Variants in PPP2R1A observed in about 807,000 individuals in gnomAD.
PPP2R1A encodes serine/threonine-protein phosphatase 2A 65 kDa regulatory subunit A alpha isoform.
A neutral mutation model predicts 67.1 loss-of-function variants in PPP2R1A; 15 were observed. The observed-to-expected ratio is 0.22, with a 90% CI of 0.15 to 0.34. PPP2R1A has a LOEUF of 0.34. Among genes scored for constraint, PPP2R1A ranks in the 10% least tolerant of loss-of-function variants. The pLI is 1.00. For missense variants in PPP2R1A, 369 were observed against 775.0 expected, an observed-to-expected ratio of 0.48 and a Z score of 6.22; for synonymous variants, 337 against 325.0, an observed-to-expected ratio of 1.04 and a Z score of -0.40.
intron 1 of PPP2R1A, among the ~76,000 whole-genome samples, chr19:52,195,824 A>G (rs912875018): frequency 9.2e-5 from 14 of 152,110 alleles, no homozygotes; most frequent in African/African-American, 3.1e-4. Flanking sequence ...GTGTTCGGCT[A>G]TGTTGAAGTT....
chr19:52,205,901 T>G, intron 2 of PPP2R1A, 62 bp from the exon 3 acceptor site: 13 of 1,391,990 alleles, frequency 9.3e-6, no homozygotes, highest in South Asian at 1.2e-5. Flanking sequence ...CCATGTGTTC[T>G]GAGCTTGGGC....
At chr19:52,222,014 CCA>C (rs767938236) in intron 12 of PPP2R1A, 83 bp from the exon 13 acceptor site, 8 of 1,395,400 alleles carry the variant, frequency 5.7e-6, no homozygotes, top group Non-Finnish European at 7.8e-6. Flanking sequence ...CTGATGATCA[CCA>C]GAGTGGCCTG....
In PPP2R1A at chr19:52,213,882, A is replaced by G. The variant is rs1164302396; in HGVS notation, c.807+772A>G. Among the ~76,000 whole-genome samples, 2 of 152,100 alleles carry G rather than the reference A, an allele frequency of 1.3e-5. No homozygotes were observed. Among genetic ancestry groups the G allele is most frequent in the Non-Finnish European group, 2.9e-5 (2 of 68,024 alleles). ...TGACTCTCAGGACAGTGCTCCTTCC[A>G]CAGGGATCCAGATTGCCTCATCCCA... On this transcript the variant is annotated intron_variant, in intron 6 of 14. Coordinates refer to ENST00000322088, the MANE Select transcript of PPP2R1A (RefSeq NM_014225.6). This position sits in a 1 kb window ranked among gnomAD's most constrained non-coding sequence, Gnocchi z 4.2.
At chr19:52,225,382 A>G (rs537983925) in intron 13 of PPP2R1A, among the ~76,000 whole-genome samples, 4 of 152,314 alleles carry the variant, frequency 2.6e-5, no homozygotes, top group Admixed American at 6.5e-5. Flanking sequence ...TAGTGTTTCA[A>G]TAATGTGTGC....
intron 1 of PPP2R1A, among the ~76,000 whole-genome samples, chr19:52,194,629 C>T (rs781315860): frequency 2.6e-5 from 4 of 151,952 alleles, no homozygotes; most frequent in East Asian, 3.9e-4. Flanking sequence ...ATGGGATTTG[C>T]TGGTGGGTAA....
At chr19:52,205,177 A>G (rs896176019) in intron 2 of PPP2R1A, among the ~76,000 whole-genome samples, 18 of 152,330 alleles carry the variant, frequency 1.2e-4, no homozygotes, top group East Asian at 1.2e-3. Flanking sequence ...TTAAGTGCCA[A>G]TAGATGCCAG....
chr19:52,225,694 C>T, intron 13 of PPP2R1A, 23 bp from the exon 14 acceptor site: 4 of 1,609,438 alleles, frequency 2.5e-6, no homozygotes, highest in Non-Finnish European at 3.4e-6. Context: ...CCCTCTCTCT[C>T]CCTGTCTCCT....
intron 13 of PPP2R1A, among the ~76,000 whole-genome samples, chr19:52,223,761 G>A (rs1979086701): frequency 6.6e-6 from 1 of 152,156 alleles, no homozygotes; most frequent in African/African-American, 2.4e-5. Context: ...ATTGCACGTG[G>A]GGCTGTACAT....
intron 6 of PPP2R1A, among the ~76,000 whole-genome samples, chr19:52,214,314 C>T (rs757707376): frequency 6.6e-5 from 10 of 152,062 alleles, no homozygotes; most frequent in Non-Finnish European, 1.5e-4. Context: ...CACCCTGAGG[C>T]GCCCTTTGCC....
intron 1 of PPP2R1A, among the ~76,000 whole-genome samples, chr19:52,195,617 C>T (rs181656989): frequency 6.6e-6 from 1 of 152,308 alleles, no homozygotes; most frequent in African/African-American, 2.4e-5. Context: ...TTGGAGTTCC[C>T]ATGACCACCC....
chr19:52,190,245 A>G, intron 1 of PPP2R1A, 71 bp downstream of exon 1: 3 of 1,499,918 alleles, frequency 2.0e-6, no homozygotes, highest in Non-Finnish European at 2.7e-6. Flanking sequence ...CCTCGCGGAG[A>G]AGACTCAGCG....
chr19:52,190,437 AGGTTGTGGCCAGGGCTGG>A, intron 1 of PPP2R1A: 1 of 557,288 alleles, frequency 1.8e-6, no homozygotes, highest in South Asian at 2.0e-5. Context: ...CGGTCCTGGG[AGGTTGTGGCCAGGGCTGG>A]GGTCTGCGGA....
At chr19:52,209,401 C>T (rs2089641289) in intron 3 of PPP2R1A, among the ~76,000 whole-genome samples, 1 of 152,170 alleles carries the variant, frequency 6.6e-6, no homozygotes, top group Non-Finnish European at 1.5e-5. Context: ...AGCATGAGGA[C>T]CTGTGACAGT....
intron 1 of PPP2R1A, among the ~76,000 whole-genome samples, chr19:52,193,484 G>A (rs1188646156): frequency 2.6e-5 from 4 of 152,356 alleles, no homozygotes; most frequent in South Asian, 2.1e-4. Flanking sequence ...TGGTTTGGGA[G>A]ACAGATAGTA....
intron 1 of PPP2R1A, among the ~76,000 whole-genome samples, chr19:52,192,046 CAAAT>C (rs932403672): frequency 3.3e-5 from 5 of 151,878 alleles, no homozygotes; most frequent in African/African-American, 7.3e-5. Context: ...ATTAGGGAGA[CAAAT>C]AAAAATAAGA....
chr19:52,194,558 G>T (rs2089481628), intron 1 of PPP2R1A, among the ~76,000 whole-genome samples: 1 of 152,074 alleles, frequency 6.6e-6, no homozygotes, highest in Non-Finnish European at 1.5e-5. Context: ...AAGCACCCAG[G>T]ACCAGTGTTA....
chr19:52,196,930 G>T (rs936637468), intron 1 of PPP2R1A, among the ~76,000 whole-genome samples: 4 of 152,162 alleles, frequency 2.6e-5, no homozygotes, highest in Admixed American at 1.3e-4. Context: ...ATTTCCACTT[G>T]GATTTTATTG....
Position 52,202,024 on chromosome 19 carries a change from T to C in PPP2R1A, c.159T>C (p.Pro53=), listed in dbSNP as rs1343215983. Residue 53 remains proline, a synonymous_variant, in exon 2 of 15, where the codon CCT becomes CCC. Coordinates refer to ENST00000322088, the MANE Select transcript of PPP2R1A (RefSeq NM_014225.6). ...GVERTRSELL[P]FLTDTIYDED... Reference sequence around the variant, plus strand: ...AAAGGACCCGAAGTGAGCTTCTGCCTTTCCTTACAGGTAACAAAGGGGACC... The same window carrying C: ...AAAGGACCCGAAGTGAGCTTCTGCCCTTCCTTACAGGTAACAAAGGGGACC... 4 of 1,613,998 alleles carry C rather than the reference T, an allele frequency of 2.5e-6. No homozygotes were observed. The East Asian group carries it at 8.9e-5, about 36-fold the overall frequency.
chr19:52,199,685 A>G (rs2089529091), intron 1 of PPP2R1A, among the ~76,000 whole-genome samples: 1 of 152,238 alleles, frequency 6.6e-6, no homozygotes, highest in African/African-American at 2.4e-5. Flanking sequence ...TTAGGTTTGC[A>G]AAGCTGAAAA....
Sources: allele counts gnomAD v4.1 joint callset (sites outside exome capture counted in the v4.1 genomes callset), GRCh38; gene constraint gnomAD v4.1.1; non-coding constraint Gnocchi (gnomAD v3.1); transcripts MANE v1.5; gene names NCBI Gene and HGNC (gene_info 2026-07-23, HGNC 2026-07-21).